The following ARHGAP22 variants were observed in gnomAD, a reference collection of about 807,000 sequenced individuals.
ARHGAP22 encodes the protein Rho GTPase activating protein 22, also known as rho GTPase-activating protein 22.
ARHGAP22 carries 48 observed loss-of-function variants against 59.1 expected under a neutral mutation model. The observed-to-expected ratio is 0.81, with a 90% CI of 0.64 to 1.03. The LOEUF (loss-of-function observed/expected upper bound fraction) is 1.03. Among genes scored for constraint, ARHGAP22 ranks in the 50% least tolerant of loss-of-function variants. ARHGAP22 has a pLI of 0.00. For synonymous variants in ARHGAP22, 445 were observed against 416.4 expected (o/e 1.07, Z -0.84); for missense variants, 1,015 against 958.7 (o/e 1.06, Z -0.78).
At chr10:48,479,891 G>T in intron 3 of ARHGAP22, 127 bp from the exon 4 acceptor site, 1 of 918,016 alleles carries the variant, frequency 1.1e-6, no homozygotes, top group Non-Finnish European at 1.6e-6. Flanking sequence ...GCTGAGCTTT[G>T]CTTTTATCTC....
intron 4 of ARHGAP22, chr10:48,466,600 CGGGCA>C (rs2047723999): frequency 6.8e-6 from 1 of 146,006 alleles, no homozygotes; most frequent in South Asian, 2.1e-4. Context: ...GCGCAACAAG[CGGGCA>C]AGCGGCAAGG....
At chr10:48,583,655 A>T (rs1012129154) in intron 1 of ARHGAP22, among the ~76,000 whole-genome samples, 1 of 152,232 alleles carries the variant, frequency 6.6e-6, no homozygotes, top group Non-Finnish European at 1.5e-5. Flanking sequence ...TGGAGCTCAC[A>T]GTCTAGCAGG....
intron 1 of ARHGAP22, among the ~76,000 whole-genome samples, chr10:48,604,327 G>A (rs558877604): frequency 6.6e-6 from 1 of 152,270 alleles, no homozygotes; most frequent in Non-Finnish European, 1.5e-5. Flanking sequence ...CGGGAACGAA[G>A]ACCCTCGCTT....
chr10:48,632,830 C>A (rs2061674425), intron 1 of ARHGAP22, among the ~76,000 whole-genome samples: 1 of 152,176 alleles, frequency 6.6e-6, no homozygotes, highest in African/African-American at 2.4e-5. Flanking sequence ...TTTAAGTTTG[C>A]ACAGATTTTA....
chr10:48,624,752 G>T (rs1033945528), intron 1 of ARHGAP22, among the ~76,000 whole-genome samples: 3 of 152,202 alleles, frequency 2.0e-5, no homozygotes, highest in African/African-American at 7.2e-5. Flanking sequence ...CATGCCACGA[G>T]GAAAGCAGCA....
At position 48,577,476 on chromosome 10, in the gene ARHGAP22, C is replaced by T. The variant is rs183256210; in HGVS notation, c.234+5477G>A. Among the ~76,000 whole-genome samples the T allele has an allele frequency of 1.2e-4, 18 of 152,298 alleles. No individual in the cohort carries two copies. In the East Asian group the frequency reaches 3.1e-3, roughly 26 times the overall value. On this transcript the variant is annotated intron_variant, in intron 2 of 9. Transcript: ENST00000249601. ...CATACACAGGAGGGTCCACCTCCGCCATTTTACTGGAGAACCTCTGGAGAA... is the reference window on the plus strand; with the variant it reads ...CATACACAGGAGGGTCCACCTCCGCTATTTTACTGGAGAACCTCTGGAGAA...
chr10:48,553,403 T>G (rs1263116178), intron 3 of ARHGAP22, among the ~76,000 whole-genome samples: 1 of 152,216 alleles, frequency 6.6e-6, no homozygotes, highest in Non-Finnish European at 1.5e-5. Context: ...AACAAAGTCC[T>G]TAGGCCCAGG....
chr10:48,436,848 T>C, the ARHGAP22 span: 5 of 152,222 alleles, frequency 3.3e-5, no homozygotes, highest in African/African-American at 1.2e-4. Flanking sequence ...TTAGGCAAAT[T>C]AGAGTTCTAA....
chr10:48,486,640 T>C (rs2049891019), intron 3 of ARHGAP22, among the ~76,000 whole-genome samples: 2 of 152,210 alleles, frequency 1.3e-5, no homozygotes, highest in Admixed American at 1.3e-4. Flanking sequence ...TTTGAAAATA[T>C]TTAAATTATA....
chr10:48,629,300 A>T (rs540950820), intron 1 of ARHGAP22, among the ~76,000 whole-genome samples: 1 of 152,334 alleles, frequency 6.6e-6, no homozygotes, highest in East Asian at 1.9e-4. Flanking sequence ...TTGTGCCTGC[A>T]TTGCAGTCTG....
intron 1 of ARHGAP22, among the ~76,000 whole-genome samples, chr10:48,597,210 T>G (rs137887068): frequency 3.3e-5 from 5 of 152,182 alleles, no homozygotes; most frequent in Non-Finnish European, 5.9e-5. Context: ...ATCCTCAAGT[T>G]TGAAGAGGAT....
chr10:48,518,823 CA>C (rs1026746970), intron 3 of ARHGAP22, among the ~76,000 whole-genome samples: 3 of 152,178 alleles, frequency 2.0e-5, no homozygotes, highest in Admixed American at 2.0e-4. Context: ...CAGGTGCTGG[CA>C]TAGCATAGAG....
chr10:48,619,401 AAG>A (rs2061204266), intron 1 of ARHGAP22, among the ~76,000 whole-genome samples: 1 of 152,206 alleles, frequency 6.6e-6, no homozygotes, highest in Non-Finnish European at 1.5e-5. Flanking sequence ...ACTGAGCATG[AAG>A]AATAAAGCTG....
intron 3 of ARHGAP22, among the ~76,000 whole-genome samples, chr10:48,499,499 T>C (rs1252360820): frequency 6.6e-6 from 1 of 152,208 alleles, no homozygotes; most frequent in South Asian, 2.1e-4. Context: ...AAGCCAACAC[T>C]GCATTCAGTG....
chr10:48,470,104 T>G (rs7093726), intron 4 of ARHGAP22, among the ~76,000 whole-genome samples: 25,743 of 152,144 alleles, frequency 0.17, 2,427 homozygotes, highest in African/African-American at 0.25. Context: ...CCCCATCTTA[T>G]CAATAATGGA....
downstream of ARHGAP22, among the ~76,000 whole-genome samples, chr10:48,442,622 T>TGCCACA (rs2045229633): frequency 6.8e-6 from 1 of 147,816 alleles, no homozygotes; most frequent in Non-Finnish European, 1.5e-5. Flanking sequence ...CCATGGCCAC[T>TGCCACA]GCCACAGCCA....
upstream of ARHGAP22, among the ~76,000 whole-genome samples, chr10:48,605,674 A>G (rs1408989672): frequency 6.6e-6 from 1 of 152,202 alleles, no homozygotes; most frequent in African/African-American, 2.4e-5. Flanking sequence ...TCAAGATGCT[A>G]AAAATTACCC....
At chr10:48,440,301 A>G in the ARHGAP22 span, among the ~76,000 whole-genome samples, 1 of 152,166 alleles carries the variant, frequency 6.6e-6, no homozygotes, top group Non-Finnish European at 1.5e-5. Flanking sequence ...TGCTTTGTAA[A>G]TTTTAGGTTT....
downstream of ARHGAP22, chr10:48,444,124 T>TGAG (rs2045268239): frequency 6.6e-6 from 1 of 152,254 alleles, no homozygotes. Context: ...GTGCCTCTAC[T>TGAG]GAGTCTGTCT....
Sources: gnomAD v4.1 joint callset for allele counts (sites outside exome capture counted in the v4.1 genomes callset) on GRCh38, gnomAD v4.1.1 for gene constraint, MANE v1.5 for transcripts, NCBI Gene and HGNC (gene_info 2026-07-23, HGNC 2026-07-21) for gene names.